The following ESRRB variants were observed in gnomAD, a reference collection of about 807,000 sequenced individuals.
The protein encoded by ESRRB is estrogen related receptor beta.
Under a neutral mutation model 46.0 loss-of-function variants are expected in ESRRB, and 16 were observed. The observed-to-expected ratio is 0.35, with a 90% CI of 0.24 to 0.53. ESRRB has a LOEUF of 0.53. ESRRB is among the 20% of genes least tolerant of loss of function. The pLI is 0.93. For missense variants in ESRRB, 488 were observed against 607.4 expected, an observed-to-expected ratio of 0.80 and a Z score of 2.07; for synonymous variants, 246 against 259.6, an observed-to-expected ratio of 0.95 and a Z score of 0.50.
chr14:76,405,776 T>C (rs992534629), intron 1 of ESRRB, among the ~76,000 whole-genome samples: 5 of 150,348 alleles, frequency 3.3e-5, no homozygotes, highest in African/African-American at 1.2e-4. Context: ...TGTGGTGGCA[T>C]GCACCTGTAG....
At position 76,464,326 on chromosome 14, in the gene ESRRB, A is replaced by G. The variant is rs147826715; in HGVS notation, c.577+1665A>G. Reference sequence around the variant, plus strand: ...GGGCACTCCTGCTACCCCCTCTCCCAGGGCCCTCTGAAGATAAGGGCCCAG... The same window carrying G: ...GGGCACTCCTGCTACCCCCTCTCCCGGGGCCCTCTGAAGATAAGGGCCCAG... On this transcript the variant is annotated intron_variant, in intron 3 of 6. Coordinates refer to ENST00000644823, the MANE Select transcript of ESRRB (RefSeq NM_001379180.1). 9.8e-5 allele frequency among the ~76,000 whole-genome samples: 15 copies of G among 152,310 alleles called. No individual in the cohort carries two copies. In the East Asian group the frequency reaches 2.9e-3, roughly 29 times the overall value.
intron 1 of ESRRB, among the ~76,000 whole-genome samples, chr14:76,387,361 T>G (rs1386549579): frequency 6.6e-6 from 1 of 152,192 alleles, no homozygotes; most frequent in Non-Finnish European, 1.5e-5. Flanking sequence ...CTACAGGCAC[T>G]CACTGGCACT....
intron 1 of ESRRB, among the ~76,000 whole-genome samples, chr14:76,420,171 C>T (rs181781143): frequency 7.6e-4 from 116 of 152,282 alleles, no homozygotes; most frequent in African/African-American, 2.6e-3. Flanking sequence ...TCATGACTAG[C>T]GGGCAGCTTC....
intron 3 of ESRRB, among the ~76,000 whole-genome samples, chr14:76,467,645 G>A (rs1033971759): frequency 2.6e-5 from 4 of 152,084 alleles, no homozygotes; most frequent in African/African-American, 9.7e-5. Flanking sequence ...TTGTTGGTGG[G>A]AATCTTAAAA....
chr14:76,460,771 G>A (rs4506823), intron 2 of ESRRB, among the ~76,000 whole-genome samples: 20,669 of 149,934 alleles, frequency 0.14, 2,297 homozygotes, highest in African/African-American at 0.32. Flanking sequence ...GCGCAATCTC[G>A]GCTCACTGCA....
chr14:76,479,406 A>G (rs1889719847), intron 3 of ESRRB, among the ~76,000 whole-genome samples: 1 of 152,150 alleles, frequency 6.6e-6, no homozygotes, highest in African/African-American at 2.4e-5. Flanking sequence ...CACATTTGTT[A>G]TTGGCTTTCT....
At chr14:76,380,813 G>A (rs1045868192) in intron 1 of ESRRB, among the ~76,000 whole-genome samples, 3 of 152,204 alleles carry the variant, frequency 2.0e-5, no homozygotes, top group Admixed American at 1.3e-4. Context: ...AGCCCCTAGA[G>A]GTGCTGCCAG....
chr14:76,315,143 A>G (rs1244920383), intron 1 of ESRRB, among the ~76,000 whole-genome samples: 2 of 151,386 alleles, frequency 1.3e-5, no homozygotes, highest in East Asian at 1.9e-4. Flanking sequence ...TGAGTCTTGT[A>G]TTTCTCCTTT....
intron 1 of ESRRB, among the ~76,000 whole-genome samples, chr14:76,429,718 C>G (rs569111832): frequency 1.3e-5 from 2 of 152,066 alleles, no homozygotes; most frequent in South Asian, 4.2e-4. Flanking sequence ...CCATTGCACT[C>G]CAGCCTGGGC....
chr14:76,412,481 C>G (rs1190984178), intron 1 of ESRRB, among the ~76,000 whole-genome samples: 1 of 152,174 alleles, frequency 6.6e-6, no homozygotes, highest in Non-Finnish European at 1.5e-5. Flanking sequence ...ATACCTCTCT[C>G]CCACCCTACC....
intron 6 of ESRRB, 34 bp from the exon 7 acceptor site, chr14:76,498,180 C>T (rs373771691): frequency 4.2e-4 from 682 of 1,613,032 alleles, no homozygotes; most frequent in Non-Finnish European, 5.4e-4. Flanking sequence ...CACTCCCTGG[C>T]CAAGCCTGCT....
chr14:76,312,318 CA>C, intron 1 of ESRRB, among the ~76,000 whole-genome samples: 1 of 152,148 alleles, frequency 6.6e-6, no homozygotes, highest in African/African-American at 2.4e-5. Context: ...AATTTGATAT[CA>C]TTTTTATTTT....
chr14:76,325,703 G>T (rs1883921397), intron 1 of ESRRB, among the ~76,000 whole-genome samples: 1 of 152,132 alleles, frequency 6.6e-6, no homozygotes, highest in South Asian at 2.1e-4. Context: ...CTCAAGCCTG[G>T]TTGCCTCTTA....
chr14:76,347,099 A>G (rs563362888), intron 1 of ESRRB, among the ~76,000 whole-genome samples: 2 of 152,254 alleles, frequency 1.3e-5, no homozygotes, highest in South Asian at 2.1e-4. Flanking sequence ...GGCCTCTTGG[A>G]AACAAGCAGT....
At chr14:76,430,768 G>T (rs554177958) in intron 1 of ESRRB, among the ~76,000 whole-genome samples, 4 of 152,330 alleles carry the variant, frequency 2.6e-5, no homozygotes, top group African/African-American at 9.6e-5. Flanking sequence ...CAGGCTTGTA[G>T]CCATTAAGTG....
chr14:76,313,177 T>C (rs144846682), intron 1 of ESRRB, among the ~76,000 whole-genome samples: 43 of 151,946 alleles, frequency 2.8e-4, no homozygotes, highest in African/African-American at 1.0e-3. Flanking sequence ...AAGTTCAGGG[T>C]GTGGTTTGGC....
At chr14:76,358,397 A>AAGAAAGAAAGAAAGAAAGAAAGAGAGAG (rs1884421995) in intron 1 of ESRRB, among the ~76,000 whole-genome samples, 1 of 126,970 alleles carries the variant, frequency 7.9e-6, no homozygotes, top group African/African-American at 3.1e-5. Flanking sequence ...GAAAGAAAGA[A>AAGAAAGAAAGAAAGAAAGAAAGAGAGAG]AGAAAGAAAG....
In ESRRB at chr14:76,491,664, G is replaced by A; in HGVS notation, c.1068G>A (p.Lys356=). 6.3e-7 allele frequency: 1 copy of A among 1,588,104 alleles called. No individual in the cohort carries two copies. The highest frequency in any genetic ancestry group is 1.8e-5 in the Admixed American group (1 of 54,272). ...TGGTACGCAGGTACAAGAAGCTCAA[G>A]GTGGAGAAGGAGGAGTTTGTGACGC... The part of the protein sequence containing the change: ...LQLVRRYKKL[K]VEKEEFVTLK... Residue 356 remains lysine (K), a synonymous_variant, in exon 6 of 7, where the codon AAG becomes AAA. Transcript: ENST00000644823.
Position 76,464,992 on chromosome 14 carries a change from T to TAC in ESRRB, c.577+2333_577+2334dup, listed in dbSNP as rs1889045014. 3.3e-5 allele frequency among the ~76,000 whole-genome samples: 5 copies of TAC among 151,538 alleles called. No individual in the cohort carries two copies. The South Asian group carries it at 1.1e-3, about 32-fold the overall frequency. ...AGCTGCTTGACCTGTTGTTCTCACA[T>TAC]ACAGAGCTGGATGTGAGAACAGCAG... On this transcript the variant is annotated intron_variant, in intron 3 of 6. Transcript: ENST00000644823.
Sources: allele counts gnomAD v4.1 joint callset (sites outside exome capture counted in the v4.1 genomes callset), GRCh38; gene constraint gnomAD v4.1.1; transcripts MANE v1.5; gene names NCBI Gene and HGNC (gene_info 2026-07-23, HGNC 2026-07-21).